The following TIAM1 variants were observed in gnomAD, a reference collection of about 807,000 sequenced individuals.
TIAM1 encodes the protein TIAM Rac1 associated GEF 1.
In TIAM1, 65 loss-of-function variants were observed where a neutral mutation model predicts 163.5. The ratio of observed to expected loss-of-function variants is 0.40; its 90% CI spans 0.33 to 0.49. TIAM1 has a LOEUF of 0.49. Among genes scored for constraint, TIAM1 ranks in the 20% least tolerant of loss-of-function variants. The probability of loss-of-function intolerance (pLI) is 0.77; values close to 1 mark genes in which losing one functional copy is unlikely to be tolerated. For missense variants in TIAM1, 1,789 were observed against 2,044.7 expected (o/e 0.87, Z 2.41); for synonymous variants, 833 against 810.1 (o/e 1.03, Z -0.48).
In TIAM1 at chr21:31,395,162, T is replaced by C. The variant is rs1248069396; in HGVS notation, c.-368-55740A>G. 1.3e-5 allele frequency among the ~76,000 whole-genome samples: 2 copies of C among 151,658 alleles called. No individual in the cohort carries two copies. The highest frequency in any genetic ancestry group is 2.9e-5 in the Non-Finnish European group (2 of 67,900). ...CTGCGGCACCAGAATTGCTTGAGCCTGGGAGGCAGAGGTTGCAGTAAGCTG... is the reference window on the plus strand; with the variant it reads ...CTGCGGCACCAGAATTGCTTGAGCCCGGGAGGCAGAGGTTGCAGTAAGCTG... On this transcript the variant is annotated intron_variant, in intron 2 of 28. Transcript: ENST00000286827. This position sits in a 1 kb window ranked among gnomAD's most constrained non-coding sequence, Gnocchi z 7.5.
At chr21:31,245,053 G>A (rs2071421316) in intron 6 of TIAM1, among the ~76,000 whole-genome samples, 2 of 152,100 alleles carry the variant, frequency 1.3e-5, no homozygotes, top group African/African-American at 4.8e-5. Flanking sequence ...AGTCATTTCT[G>A]AGATGTCATT....
chr21:31,233,939 G>A (rs566298050), intron 6 of TIAM1, among the ~76,000 whole-genome samples: 141 of 152,290 alleles, frequency 9.3e-4, no homozygotes, highest in Middle Eastern at 3.4e-3. Flanking sequence ...AAGCTCAGTC[G>A]CCTCCAAGAA....
intron 25 of TIAM1, among the ~76,000 whole-genome samples, chr21:31,127,599 G>A (rs1346885718): frequency 6.6e-6 from 1 of 151,904 alleles, no homozygotes; most frequent in Non-Finnish European, 1.5e-5. Context: ...TGTATTTTTG[G>A]TAGAGACAGG....
In TIAM1 at chr21:31,170,495, G is replaced by C. The variant is rs149985761; in HGVS notation, c.2888-5430C>G. Reference sequence around the variant, plus strand: ...TCTTGGAACTAAATATTTTATGAAAGAAAAAAAGGCCAATAACACCCAGGA... The same window carrying C: ...TCTTGGAACTAAATATTTTATGAAACAAAAAAAGGCCAATAACACCCAGGA... On this transcript the variant is annotated intron_variant, in intron 15 of 27. Coordinates refer to ENST00000541036, the MANE Select transcript of TIAM1 (RefSeq NM_001353694.2). 8.8e-3 allele frequency among the ~76,000 whole-genome samples: 1,335 copies of C among 151,840 alleles called. 18 individuals are homozygous for C. Among genetic ancestry groups the C allele is most frequent in the African/African-American group, 0.031 (1,275 of 41,420 alleles).
In TIAM1 at chr21:31,460,626, A is replaced by G. The variant is rs936002950; in HGVS notation, c.-369+3357T>C. Reference sequence around the variant, plus strand: ...GGGCAACAGAGCGAGACTCTGTCTCAAAAACAAAAATGAAAAAGGAAGTGC... The same window carrying G: ...GGGCAACAGAGCGAGACTCTGTCTCGAAAACAAAAATGAAAAAGGAAGTGC... On this transcript the variant is annotated intron_variant, in intron 2 of 28. Coordinates refer to the TIAM1 transcript ENST00000286827. Among the ~76,000 whole-genome samples the G allele has an allele frequency of 1.1e-4, 16 of 152,336 alleles. No homozygotes were observed. The South Asian group carries it at 1.7e-3, about 16-fold the overall frequency.
At chr21:31,318,155 T>A (rs2075191436) in intron 2 of TIAM1, among the ~76,000 whole-genome samples, 1 of 152,228 alleles carries the variant, frequency 6.6e-6, no homozygotes, top group South Asian at 2.1e-4. Context: ...GGGAATGCAG[T>A]GGCACCATCT....
At chr21:31,313,090 T>C (rs562086593) in intron 2 of TIAM1, among the ~76,000 whole-genome samples, 71 of 152,324 alleles carry the variant, frequency 4.7e-4, no homozygotes, top group African/African-American at 1.7e-3. Context: ...TTTAATAAGA[T>C]ACGACAAGCC....
intron 2 of TIAM1, among the ~76,000 whole-genome samples, chr21:31,357,173 A>G (rs916361328): frequency 4.6e-5 from 7 of 152,146 alleles, no homozygotes; most frequent in Non-Finnish European, 1.0e-4. Context: ...GCATGCAAAC[A>G]TGTTGGCTGG....
chr21:31,329,180 C>T (rs142787057), intron 2 of TIAM1, among the ~76,000 whole-genome samples: 1 of 152,326 alleles, frequency 6.6e-6, no homozygotes, highest in African/African-American at 2.4e-5. Context: ...GCAGGGACAA[C>T]ATCTCTTGAT....
chr21:31,403,584 G>C (rs919904723), intron 2 of TIAM1, among the ~76,000 whole-genome samples: 3 of 152,170 alleles, frequency 2.0e-5, no homozygotes, highest in Admixed American at 2.0e-4. Context: ...AACAAGGCCA[G>C]TCTGACTCAT....
chr21:31,459,773 C>T (rs1026339488), intron 2 of TIAM1, among the ~76,000 whole-genome samples: 5 of 152,152 alleles, frequency 3.3e-5, no homozygotes, highest in South Asian at 4.2e-4. Flanking sequence ...ACTTTTGGAC[C>T]AGAGTAAGAG....
intron 2 of TIAM1, among the ~76,000 whole-genome samples, chr21:31,413,503 G>A (rs989938125): frequency 6.6e-6 from 1 of 151,548 alleles, no homozygotes; most frequent in Non-Finnish European, 1.5e-5. Context: ...ATTTCCTGAC[G>A]TCGTGATCCA....
chr21:31,126,240 G>C (rs1236000854), intron 26 of TIAM1, among the ~76,000 whole-genome samples: 1 of 152,066 alleles, frequency 6.6e-6, no homozygotes, highest in African/African-American at 2.4e-5. Context: ...GTGAGGTACT[G>C]GGTAATTACT....
At chr21:31,247,772 C>CT (rs1336302162) in intron 5 of TIAM1, among the ~76,000 whole-genome samples, 4 of 152,186 alleles carry the variant, frequency 2.6e-5, no homozygotes, top group Non-Finnish European at 5.9e-5. Flanking sequence ...TGCCCCAACT[C>CT]TATTTTTCTC....
At position 31,395,699 on chromosome 21, in the gene TIAM1, A is replaced by AG. The variant is rs752466093; in HGVS notation, c.-368-56278dup. Among the ~76,000 whole-genome samples, 3 of 152,108 alleles carry AG rather than the reference A, an allele frequency of 2.0e-5. No homozygotes were observed. The highest frequency in any genetic ancestry group is 2.1e-4 in the South Asian group (1 of 4,824). On this transcript the variant is annotated intron_variant, in intron 2 of 28. Coordinates refer to the TIAM1 transcript ENST00000286827. The surrounding 1 kb of genome is among the most constrained non-coding windows in gnomAD (Gnocchi z 7.5). ...ATTGACTAAAACATCTATCTTGGGGAGGGGGCGCATGCGTTCCCCTGGCTG... is the reference window on the plus strand; with the variant it reads ...ATTGACTAAAACATCTATCTTGGGGAGGGGGGCGCATGCGTTCCCCTGGCTG...
intron 6 of TIAM1, among the ~76,000 whole-genome samples, chr21:31,242,188 T>G (rs1267042056): frequency 2.0e-5 from 3 of 152,148 alleles, no homozygotes; most frequent in African/African-American, 7.2e-5. Flanking sequence ...TAATATCACA[T>G]TAAATAGAGA....
intron 2 of TIAM1, among the ~76,000 whole-genome samples, chr21:31,284,203 T>C (rs2073695319): frequency 6.6e-6 from 1 of 152,224 alleles, no homozygotes; most frequent in Non-Finnish European, 1.5e-5. Context: ...AGTGTTTTCA[T>C]ACCTCCTATG....
At chr21:31,406,276 C>T (rs903575869) in intron 2 of TIAM1, among the ~76,000 whole-genome samples, 13 of 151,770 alleles carry the variant, frequency 8.6e-5, no homozygotes, top group African/African-American at 2.9e-4. Context: ...CTTTTGAGAA[C>T]TTTAATACTA....
chr21:31,219,024 C>CTT (rs35555743), intron 8 of TIAM1, among the ~76,000 whole-genome samples: 1,314 of 88,536 alleles, frequency 0.015, 146 homozygotes, highest in Non-Finnish European at 0.023. Flanking sequence ...GAAGCATTTC[C>CTT]TTTTTTTTTT....
Sources: gnomAD v4.1 joint callset for allele counts (sites outside exome capture counted in the v4.1 genomes callset) on GRCh38, gnomAD v4.1.1 for gene constraint, Gnocchi (gnomAD v3.1) non-coding constraint, MANE v1.5 for transcripts, NCBI Gene and HGNC (gene_info 2026-07-23, HGNC 2026-07-21) for gene names.